Variants in BRAP observed in about 807,000 individuals in gnomAD.
BRAP encodes BRCA1 associated protein, also known as BRCA1-associated protein.
A neutral mutation model predicts 73.4 loss-of-function variants in BRAP; 42 were observed. That is an observed-to-expected ratio of 0.57 (90% CI 0.45 to 0.74). The LOEUF (loss-of-function observed/expected upper bound fraction) is 0.74, where lower values mean the gene tolerates loss of function less well. BRAP is among the 30% of genes least tolerant of loss of function. The pLI, the probability that BRAP is intolerant of heterozygous loss-of-function variation, is 0.00. For missense variants in BRAP, 593 were observed against 751.4 expected (o/e 0.79, Z 2.46); for synonymous variants, 255 against 267.4 (o/e 0.95, Z 0.45).
intron 1 of BRAP, 79 bp from the exon 2 acceptor site, chr12:111,683,386 T>A: frequency 6.8e-7 from 1 of 1,463,558 alleles, no homozygotes; most frequent in Non-Finnish European, 9.2e-7. Context: ...CATTAGGTTT[T>A]CCTTTTCTTT....
In BRAP at chr12:111,679,168, T is replaced by C. The variant is rs759582723; in HGVS notation, c.616A>G (p.Ile206Val). 1.3e-6 allele frequency: 2 copies of C among 1,567,886 alleles called. No individual in the cohort carries two copies. Among genetic ancestry groups the C allele is most frequent in the East Asian group, 4.5e-5 (2 of 44,244 alleles). The change falls in exon 4 of 12, where the codon ATA becomes GTA. Residue 206 changes from isoleucine (I) to valine (V), a missense_variant. This residue lies in a region of BRAP where 304 missense variants were observed against 337.7 expected (regional missense o/e 0.90). Transcript: ENST00000419234. ...ACTTTTACCTGTGCACGAAACTTTA[T>C]CAGCACCATATATTGGTTGGGAGTA... ...DSTPNQYMVL[I>V]KFRAQADADS...
intron 8 of BRAP, 59 bp downstream of exon 8, chr12:111,659,148 T>C (rs1886645021): frequency 1.3e-6 from 2 of 1,567,626 alleles, no homozygotes; most frequent in South Asian, 2.3e-5. Flanking sequence ...GTGAAGGCGT[T>C]GTGAAGGCAA....
intron 2 of BRAP, among the ~76,000 whole-genome samples, chr12:111,682,735 A>G (rs900353058): frequency 3.3e-5 from 5 of 151,892 alleles, no homozygotes; most frequent in Non-Finnish European, 7.4e-5. Flanking sequence ...AACATGGAGA[A>G]ACCTTGTCTC....
intron 5 of BRAP, among the ~76,000 whole-genome samples, chr12:111,668,222 T>A (rs774157728): frequency 1.3e-5 from 2 of 152,028 alleles, no homozygotes; most frequent in Non-Finnish European, 2.9e-5. Flanking sequence ...GGGCGGGGTG[T>A]GGGGGAAGCC....
chr12:111,660,073 C>CAA (rs1468009476), intron 7 of BRAP, among the ~76,000 whole-genome samples: 1 of 135,380 alleles, frequency 7.4e-6, no homozygotes, highest in African/African-American at 2.8e-5. Context: ...TACCCTGTCT[C>CAA]AAAAAAAAAA....
At chr12:111,670,737 A>G (rs140225873) in intron 5 of BRAP, among the ~76,000 whole-genome samples, 2,365 of 151,836 alleles carry the variant, frequency 0.016, 71 homozygotes, top group African/African-American at 0.054. Flanking sequence ...TTATCCGCCC[A>G]CCTTGGCCTT....
At chr12:111,663,314 G>A (rs1248018453) in intron 6 of BRAP, among the ~76,000 whole-genome samples, 1 of 152,008 alleles carries the variant, frequency 6.6e-6, no homozygotes, top group Non-Finnish European at 1.5e-5. Flanking sequence ...CTAGCCAGGT[G>A]TGGTGGTACA....
At chr12:111,673,848 C>T (rs972694434) in intron 4 of BRAP, among the ~76,000 whole-genome samples, 1 of 152,136 alleles carries the variant, frequency 6.6e-6, no homozygotes, top group South Asian at 2.1e-4. Context: ...GGCACATGTG[C>T]GTCTATGAAA....
At chr12:111,647,844 G>A (rs921890165) in intron 11 of BRAP, among the ~76,000 whole-genome samples, 13 of 149,346 alleles carry the variant, frequency 8.7e-5, no homozygotes, top group Admixed American at 2.7e-4. Flanking sequence ...GCAGTGAGCC[G>A]AGATCACACC....
Position 111,679,216 on chromosome 12 carries a change from G to C in BRAP, c.568C>G (p.Gln190Glu). ...FVAPFNEVIE[Q>E]MKIIRDSTPN... ...GTAGAGTCTCTGATAATTTTCATTT[G>C]TTCAATTACTTCGTTAAATGGGGCA... The change falls in exon 4 of 12, where the codon CAA (glutamine) becomes GAA (glutamate). Residue 190 changes from glutamine to glutamate, a missense_variant. Gln to Glu is a conservative substitution (Grantham distance 29). This residue lies in a region of BRAP where 304 missense variants were observed against 337.7 expected (regional missense o/e 0.90). Transcript: ENST00000419234. 1 of 1,609,242 alleles carries C rather than the reference G, an allele frequency of 6.2e-7. No homozygotes were observed. The highest frequency in any genetic ancestry group is 8.5e-7 in the Non-Finnish European group (1 of 1,177,292).
At chr12:111,685,660 C>A in intron 1 of BRAP, 51 bp downstream of exon 1, 1 of 1,565,122 alleles carries the variant, frequency 6.4e-7, no homozygotes. Context: ...AAGGGAAGCC[C>A]TCCGGGCCCA....
chr12:111,685,553 C>T, intron 1 of BRAP, 158 bp downstream of exon 1: 1 of 1,353,518 alleles, frequency 7.4e-7, no homozygotes, highest in Non-Finnish European at 9.5e-7. Context: ...GAAGGCCTCT[C>T]AAAGGCGGAT....
chr12:111,682,485 G>A (rs1370313598), intron 2 of BRAP, among the ~76,000 whole-genome samples: 2 of 116,370 alleles, frequency 1.7e-5, no homozygotes, highest in African/African-American at 3.6e-5. Context: ...TGGGGACAAA[G>A]TGAGACTGTC....
chr12:111,682,026 T>C (rs1168892176), intron 2 of BRAP, among the ~76,000 whole-genome samples, 191 bp from the exon 3 acceptor site: 1 of 152,174 alleles, frequency 6.6e-6, no homozygotes, highest in African/African-American at 2.4e-5. Context: ...CTTTGCTCCA[T>C]AAAAATCTCA....
chr12:111,672,191 C>T (rs547525090), intron 5 of BRAP, among the ~76,000 whole-genome samples: 6 of 152,166 alleles, frequency 3.9e-5, no homozygotes, highest in South Asian at 2.1e-4. Flanking sequence ...GGTGACACAG[C>T]GAGACCCTGT....
At chr12:111,677,628 T>C (rs1346976498) in intron 4 of BRAP, among the ~76,000 whole-genome samples, 4 of 152,202 alleles carry the variant, frequency 2.6e-5, no homozygotes, top group Non-Finnish European at 5.9e-5. Context: ...CGATAAACGT[T>C]GGATATTATC....
At chr12:111,682,669 T>C (rs920316371) in intron 2 of BRAP, among the ~76,000 whole-genome samples, 1 of 152,046 alleles carries the variant, frequency 6.6e-6, no homozygotes, top group Non-Finnish European at 1.5e-5. Flanking sequence ...TCCAGCACTT[T>C]GGGAGGCCGA....
At chr12:111,657,565 C>T (rs1472270203) in intron 9 of BRAP, among the ~76,000 whole-genome samples, 1 of 152,064 alleles carries the variant, frequency 6.6e-6, no homozygotes, top group African/African-American at 2.4e-5. Flanking sequence ...TCTAAAACAA[C>T]ATTTTTTGAA....
chr12:111,656,839 T>G (rs902482525), intron 9 of BRAP, among the ~76,000 whole-genome samples: 1 of 152,118 alleles, frequency 6.6e-6, no homozygotes. Flanking sequence ...GCTCAAGGGA[T>G]CCTCCTGCCT....
Sources: gnomAD v4.1 joint callset for allele counts (sites outside exome capture counted in the v4.1 genomes callset) on GRCh38, gnomAD v4.1.1 for gene constraint, gnomAD v4.1.1 regional missense constraint, MANE v1.5 for transcripts, NCBI Gene and HGNC (gene_info 2026-07-23, HGNC 2026-07-21) for gene names.